Variants in DIP2C observed in about 807,000 individuals in gnomAD.
DIP2C encodes disco-interacting protein 2 homolog C.
Under a neutral mutation model 192.4 loss-of-function variants are expected in DIP2C, and 33 were observed. That is an observed-to-expected ratio of 0.17 (90% confidence interval 0.13 to 0.23). The LOEUF is 0.23. Among genes scored for constraint, DIP2C ranks in the 10% least tolerant of loss-of-function variants. The pLI is 1.00. For synonymous variants in DIP2C, 979 were observed against 864.1 expected, an observed-to-expected ratio of 1.13 and a Z score of -2.33; for missense variants, 1,537 against 2,110.1, an observed-to-expected ratio of 0.73 and a Z score of 5.32.
intron 32 of DIP2C, among the ~76,000 whole-genome samples, chr10:302,920 A>G (rs1323233459): frequency 6.6e-6 from 1 of 151,912 alleles, no homozygotes; most frequent in African/African-American, 2.4e-5. Flanking sequence ...CTCTGTAAAC[A>G]CTGTACTTGT....
intron 1 of DIP2C, among the ~76,000 whole-genome samples, chr10:542,105 ACCAAC>A (rs1848025020): frequency 6.6e-6 from 1 of 152,064 alleles, no homozygotes; most frequent in African/African-American, 2.4e-5. Flanking sequence ...AAGACCCCTC[ACCAAC>A]CCAGCAACAC....
At chr10:308,452 T>C (rs924769226) in intron 32 of DIP2C, among the ~76,000 whole-genome samples, 22 of 152,224 alleles carry the variant, frequency 1.4e-4, no homozygotes, top group Admixed American at 4.6e-4. Context: ...TGCATACATG[T>C]GTTATTGATG....
intron 34 of DIP2C, among the ~76,000 whole-genome samples, chr10:285,804 G>C (rs1340247015): frequency 6.6e-6 from 1 of 152,242 alleles, no homozygotes; most frequent in Non-Finnish European, 1.5e-5. Context: ...ACACAATGAG[G>C]CAAAGGTGTC....
chr10:604,933 G>C (rs1477192604), intron 1 of DIP2C, among the ~76,000 whole-genome samples: 2 of 152,188 alleles, frequency 1.3e-5, no homozygotes, highest in Non-Finnish European at 2.9e-5. Context: ...CCACACACCA[G>C]CCTCTGATAA....
intron 1 of DIP2C, among the ~76,000 whole-genome samples, chr10:683,062 G>A (rs78684926): frequency 0.012 from 1,897 of 152,244 alleles, 30 homozygotes; most frequent in African/African-American, 0.043. Flanking sequence ...ACAAAGGGCC[G>A]ATGTCACTAC....
chr10:327,925 C>T (rs1389210172), intron 30 of DIP2C, among the ~76,000 whole-genome samples: 3 of 152,188 alleles, frequency 2.0e-5, no homozygotes, highest in Admixed American at 2.0e-4. Context: ...TTAAGCTCAG[C>T]TCACTCTGTG....
chr10:540,801 TCAGAG>T (rs1027081094), intron 1 of DIP2C, among the ~76,000 whole-genome samples: 9 of 152,248 alleles, frequency 5.9e-5, no homozygotes, highest in Admixed American at 1.3e-4. Flanking sequence ...TTGGAAATCC[TCAGAG>T]CAATCATGAA....
intron 1 of DIP2C, among the ~76,000 whole-genome samples, chr10:612,300 AAAAT>A (rs1483117745): frequency 5.6e-4 from 85 of 152,320 alleles, no homozygotes; most frequent in Admixed American, 3.0e-3. Flanking sequence ...TCAAAAAAAA[AAAAT>A]AAACCAATAC....
intron 26 of DIP2C, 100 bp from the exon 27 acceptor site, chr10:345,210 G>GTAGC (rs1024201918): frequency 8.6e-7 from 1 of 1,169,260 alleles, no homozygotes; most frequent in Non-Finnish European, 1.2e-6. Flanking sequence ...CTAAAACCAT[G>GTAGC]TAGCTTTAAC....
At chr10:460,892 G>A (rs961937681) in intron 3 of DIP2C, among the ~76,000 whole-genome samples, 4 of 152,138 alleles carry the variant, frequency 2.6e-5, no homozygotes, top group African/African-American at 7.2e-5. Context: ...GAGAGTGGGG[G>A]CCAATATTCA....
intron 1 of DIP2C, among the ~76,000 whole-genome samples, chr10:502,824 A>T (rs1845333283): frequency 6.6e-6 from 1 of 152,150 alleles, no homozygotes; most frequent in Non-Finnish European, 1.5e-5. Flanking sequence ...GAAAGGAAAG[A>T]GCTACCTCAA....
intron 31 of DIP2C, among the ~76,000 whole-genome samples, chr10:318,976 G>A (rs547605298): frequency 3.2e-4 from 49 of 151,004 alleles, no homozygotes; most frequent in Middle Eastern, 3.4e-3. Context: ...ACAGTGGCAC[G>A]ATCTCGGCTC....
At chr10:659,024 T>G (rs1221416072) in intron 1 of DIP2C, among the ~76,000 whole-genome samples, 1 of 151,598 alleles carries the variant, frequency 6.6e-6, no homozygotes, top group East Asian at 1.9e-4. Flanking sequence ...TGCACACACA[T>G]TCACATAATC....
intron 1 of DIP2C, among the ~76,000 whole-genome samples, chr10:569,720 G>A (rs1053913470): frequency 4.6e-5 from 7 of 152,236 alleles, no homozygotes; most frequent in South Asian, 4.1e-4. Context: ...ATCAGCCATC[G>A]TCACCATGAA....
intron 10 of DIP2C, 129 bp from the exon 11 acceptor site, chr10:390,992 G>A (rs1048718036): frequency 2.2e-5 from 30 of 1,367,838 alleles, no homozygotes; most frequent in African/African-American, 1.4e-4. Context: ...CAGCCCTGCT[G>A]CTTGGTATCT....
chr10:463,606 A>C (rs775770320), intron 3 of DIP2C, among the ~76,000 whole-genome samples: 2 of 152,222 alleles, frequency 1.3e-5, no homozygotes, highest in Non-Finnish European at 2.9e-5. Flanking sequence ...CCATCGAGCT[A>C]CCATTGACTT....
At chr10:632,265 G>T (rs1854563077) in intron 1 of DIP2C, among the ~76,000 whole-genome samples, 1 of 152,268 alleles carries the variant, frequency 6.6e-6, no homozygotes, top group African/African-American at 2.4e-5. Context: ...GCGATGAAAT[G>T]ATCCTCCTTC....
Position 458,052 on chromosome 10 carries a change from T to G in DIP2C, c.268+14387A>C, listed in dbSNP as rs573456267. ...AAAGTGCAGTGATGAAGCAGGAGGA[T>G]GATTTTATATATCATCTTAACACAT... On this transcript the variant is annotated intron_variant, in intron 3 of 36. Transcript: ENST00000280886. 6.6e-5 allele frequency among the ~76,000 whole-genome samples: 10 copies of G among 152,278 alleles called. No homozygotes were observed. In the East Asian group the frequency reaches 1.9e-3, roughly 29 times the overall value.
At chr10:377,098 T>C (rs185980131) in intron 17 of DIP2C, among the ~76,000 whole-genome samples, 2 of 151,904 alleles carry the variant, frequency 1.3e-5, no homozygotes, top group Non-Finnish European at 2.9e-5. Flanking sequence ...GCACGGAAAG[T>C]GAGCTGCCCA....
Sources: allele counts gnomAD v4.1 joint callset (sites outside exome capture counted in the v4.1 genomes callset), GRCh38; gene constraint gnomAD v4.1.1; transcripts MANE v1.5; gene names NCBI Gene and HGNC (gene_info 2026-07-23, HGNC 2026-07-21).